Variants in C2CD4C observed in about 807,000 individuals in gnomAD.
The protein encoded by C2CD4C is C2 calcium dependent domain containing 4C.
C2CD4C carries 3 observed loss-of-function variants against 4.1 expected under a neutral mutation model. The observed-to-expected ratio is 0.73, with a 90% CI of 0.33 to 1.88. C2CD4C has a LOEUF of 1.88. Among genes scored for constraint, C2CD4C ranks in the 40% most tolerant of loss-of-function variants. C2CD4C has a pLI of 0.08. For missense variants in C2CD4C, 664 were observed against 621.5 expected (o/e 1.07, Z -0.73); for synonymous variants, 364 against 290.4 (o/e 1.25, Z -2.57).
chr19:407,862 T>G lies in C2CD4C; in HGVS notation c.500A>C (p.His167Pro), dbSNP rs767651614. 14 of 1,548,838 alleles carry G rather than the reference T, an allele frequency of 9.0e-6. No homozygotes were observed. The South Asian group carries it at 1.7e-4, about 18-fold the overall frequency. The change falls in exon 2 of 2, where the codon CAC becomes CCC. Residue 167 changes from histidine (H) to proline (P), a missense_variant. Transcript: ENST00000332235. Reference sequence around the variant, plus strand: ...CTGGGCCAGAGCCCCGTGCTCACTGTGGAACAGAGACTCCTTGCGCCTCGT... The same window carrying G: ...CTGGGCCAGAGCCCCGTGCTCACTGGGGAACAGAGACTCCTTGCGCCTCGT... ...PHTRRKESLFHSEHGALAQVG... is the reference protein window; with the variant it reads ...PHTRRKESLFPSEHGALAQVG...
At position 407,491 on chromosome 19, in the gene C2CD4C, C is replaced by A; in HGVS notation, c.871G>T (p.Glu291Ter). Residue 291 changes from glutamate (E) to a stop codon, truncating the protein, a stop_gained, in exon 2 of 2, where the codon GAG (glutamate) becomes TAG (stop). Transcript: ENST00000332235. LOFTEE classifies it low-confidence loss of function (END_TRUNC). ...TGCTCCCCACGCGCCTGGCCCGACTCGGGGCCAGGTTCCGGGGGTGCCCGG... is the reference window on the plus strand; with the variant it reads ...TGCTCCCCACGCGCCTGGCCCGACTAGGGGCCAGGTTCCGGGGGTGCCCGG... ...TRRAPPEPGP[E>*]SGQARGEHTV... 1 of 1,380,380 alleles carries A rather than the reference C, an allele frequency of 7.2e-7. No individual in the cohort carries two copies. Among genetic ancestry groups the A allele is most frequent in the East Asian group, 3.0e-5 (1 of 33,020 alleles). The allele number at this position is 1,380,380 out of a possible 1,614,324, so 85.5% of individuals were successfully genotyped here.
rs544062749 is a variant in C2CD4C, at chr19:406,594, G to C, written c.*502C>G. The C allele has an allele frequency of 6.5e-6, 1 of 152,960 alleles. No individual in the cohort carries two copies. Among genetic ancestry groups the C allele is most frequent in the African/African-American group, 2.4e-5 (1 of 41,472 alleles). 9.5% of individuals were successfully genotyped at this position (152,960 alleles called of 1,614,324 possible). ...CAGAGCCTGGGCCTGGTGTGGCCGC[G>C]AGGCCCTGCTCTCCGCGGGGTGGGA... On this transcript the variant is annotated 3_prime_UTR_variant, in exon 2 of 2. Coordinates refer to ENST00000332235, the MANE Select transcript of C2CD4C (RefSeq NM_001136263.2).
chr19:408,525 G>C (rs1003538493), intron 1 of C2CD4C, 124 bp from the exon 2 acceptor site: 5 of 630,408 alleles, frequency 7.9e-6, no homozygotes, highest in Non-Finnish European at 1.3e-5. Flanking sequence ...GGGTCCCCTG[G>C]GGGCGTCCCG....
In C2CD4C at chr19:407,473, C is replaced by G; in HGVS notation, c.889G>C (p.Gly297Arg). 1 of 1,400,170 alleles carries G rather than the reference C, an allele frequency of 7.1e-7. No homozygotes were observed. The highest frequency in any genetic ancestry group is 9.2e-7 in the Non-Finnish European group (1 of 1,083,482). 86.7% of individuals were successfully genotyped at this position (1,400,170 alleles called of 1,614,324 possible). ...GGGCCCACGTGGACCGTGTGCTCCCCACGCGCCTGGCCCGACTCGGGGCCA... is the reference window on the plus strand; with the variant it reads ...GGGCCCACGTGGACCGTGTGCTCCCGACGCGCCTGGCCCGACTCGGGGCCA... ...EPGPESGQAR[G>R]EHTVHVGPRG... Residue 297 changes from glycine to arginine, a missense_variant, in exon 2 of 2, where the codon GGG becomes CGG. Gly to Arg is a moderately radical substitution (Grantham distance 125). Transcript: ENST00000332235.
chr19:407,201 T>C lies in C2CD4C; in HGVS notation c.1161A>G (p.Lys387=). 6.5e-7 allele frequency: 1 copy of C among 1,550,208 alleles called. No individual in the cohort carries two copies. The highest frequency in any genetic ancestry group is 2.0e-5 in the Admixed American group (1 of 51,000). Residue 387 remains lysine (K), a synonymous_variant, in exon 2 of 2, where the codon AAA becomes AAG. Coordinates refer to ENST00000332235, the MANE Select transcript of C2CD4C (RefSeq NM_001136263.2). ...TCACCACCTTGATCCTGAGGGCCAG[T>C]TTCCGGACGCTGGCGGGCCCCAGGC... is the stretch of plus-strand genomic sequence containing the variant. ...FDGLGPASVR[K]LALRIKVVNK...
chr19:407,602 G>T lies in C2CD4C; in HGVS notation c.760C>A (p.Arg254=). The change falls in exon 2 of 2, where the codon CGG becomes AGG. Residue 254 remains arginine, a synonymous_variant. Transcript: ENST00000332235. ...GAGCCGTGGCGGCCCACGGAGTGCC[G>T]GAGCTGGCTCACCTTGGCCTGGCTG... ...QDSQAKVSQL[R]HSVGRHGSLS... is the part of the protein sequence containing the mutation. The T allele has an allele frequency of 2.1e-6, 3 of 1,441,928 alleles. No homozygotes were observed. The highest frequency in any genetic ancestry group is 1.8e-6 in the Non-Finnish European group (2 of 1,095,730). The allele number at this position is 1,441,928 out of a possible 1,614,324, so 89.3% of individuals were successfully genotyped here.
In C2CD4C at chr19:408,259, C is replaced by G; in HGVS notation, c.103G>C (p.Gly35Arg). Residue 35 changes from glycine to arginine, a missense_variant, in exon 2 of 2, where the codon GGG becomes CGG. Transcript: ENST00000332235. ...GSEAGDKASK[G>R]PLYSNVLTPD... ...GTCAACACATTGCTGTACAGGGGCC[C>G]CTTGGAGGCCTTGTCCCCCGCCTCA... The G allele has an allele frequency of 6.6e-7, 1 of 1,505,304 alleles. No individual in the cohort carries two copies. Among genetic ancestry groups the G allele is most frequent in the Non-Finnish European group, 8.9e-7 (1 of 1,129,716 alleles). 93.2% of individuals were successfully genotyped at this position (1,505,304 alleles called of 1,614,324 possible).
In C2CD4C at chr19:408,254, G is replaced by C. The variant is rs1974029604; in HGVS notation, c.108C>G (p.Pro36=). Residue 36 remains proline (P), a synonymous_variant, in exon 2 of 2, where the codon CCC becomes CCG. Transcript: ENST00000332235. ...SEAGDKASKG[P]LYSNVLTPDK... ...CGGGCGTCAACACATTGCTGTACAG[G>C]GGCCCCTTGGAGGCCTTGTCCCCCG... is the stretch of plus-strand genomic sequence containing the variant. The C allele has an allele frequency of 6.6e-7, 1 of 1,504,440 alleles. No individual in the cohort carries two copies. Among genetic ancestry groups the C allele is most frequent in the Non-Finnish European group, 8.9e-7 (1 of 1,129,250 alleles). The allele number at this position is 1,504,440 out of a possible 1,614,324, so 93.2% of individuals were successfully genotyped here.
In C2CD4C at chr19:407,102, G is replaced by A. The variant is rs1413914877; in HGVS notation, c.1260C>T (p.Phe420=). Residue 420 remains phenylalanine, a synonymous_variant, in exon 2 of 2, where the codon TTC becomes TTT. Coordinates refer to ENST00000332235, the MANE Select transcript of C2CD4C (RefSeq NM_001136263.2). ...CAGCGAGCAGGTCCCCGCTCTACAG[G>A]AAGGGGAGCAGGGAGGTCAGGGGCA... ...KELPLTSLLP[F]L is the part of the protein sequence containing the mutation. 2 of 1,547,754 alleles carry A rather than the reference G, an allele frequency of 1.3e-6. No homozygotes were observed. Among genetic ancestry groups the A allele is most frequent in the Non-Finnish European group, 1.7e-6 (2 of 1,145,496 alleles).
rs374325885 is a variant in C2CD4C, at chr19:407,141, G to A, written c.1221C>T (p.Leu407=). The A allele has an allele frequency of 6.1e-5, 95 of 1,550,096 alleles. No individual in the cohort carries two copies. The East Asian group carries it at 1.8e-3, about 29-fold the overall frequency. Residue 407 remains leucine, a synonymous_variant, in exon 2 of 2, where the codon CTC becomes CTT. Transcript: ENST00000332235. ...AGGTCAGGGGCAGCTCCTTCTCCCCGAGCAGCGTGTCCCGCTTGAGGCTGC... is the reference window on the plus strand; with the variant it reads ...AGGTCAGGGGCAGCTCCTTCTCCCCAAGCAGCGTGTCCCGCTTGAGGCTGC... ...KGSSLKRDTL[L]GEKELPLTSL... is the part of the protein sequence containing the mutation.
chr19:406,982 C>CCCACCCCCCCCCCCCCCCACCCCA lies in C2CD4C; in HGVS notation c.*113_*114insTGGGGTGGGGGGGGGGGGGGGTGG. ...CGCCCAGCCCAGCCTGAGTGTGAGC[C>CCCACCCCCCCCCCCCCCCACCCCA]CCTCCCCGGCCAGCCCCAGCCCAAG... On this transcript the variant is annotated 3_prime_UTR_variant, in exon 2 of 2. Coordinates refer to ENST00000332235, the MANE Select transcript of C2CD4C (RefSeq NM_001136263.2). 1.6e-6 allele frequency: 1 copy of CCCACCCCCCCCCCCCCCCACCCCA among 640,742 alleles called. No homozygotes were observed. The highest frequency in any genetic ancestry group is 3.7e-5 in the East Asian group (1 of 27,214). The allele number at this position is 640,742 out of a possible 1,614,324, so 39.7% of individuals were successfully genotyped here. A position where few individuals can be genotyped will look rare whatever the true frequency, so the allele number is the denominator to read the frequency against.
At position 405,535 on chromosome 19, in the gene C2CD4C, G is replaced by C. The variant is rs537994894; in HGVS notation, c.*1561C>G. On this transcript the variant is annotated 3_prime_UTR_variant, in exon 2 of 2. Transcript: ENST00000332235. ...AAAGATTTACCCACAGTCAACCTCA[G>C]ACACTAAGATATCAAAGAGTGCAGG... The C allele has an allele frequency of 6.6e-6, 1 of 152,186 alleles. No individual in the cohort carries two copies. Among genetic ancestry groups the C allele is most frequent in the Admixed American group, 6.5e-5 (1 of 15,286 alleles). 9.4% of individuals were successfully genotyped at this position (152,186 alleles called of 1,614,324 possible).
At chr19:408,668 A>G (rs1271049184) in intron 1 of C2CD4C, among the ~76,000 whole-genome samples, 1 of 152,114 alleles carries the variant, frequency 6.6e-6, no homozygotes, top group Non-Finnish European at 1.5e-5. Context: ...GAGCTCCCAG[A>G]GGAGACTGGC....
chr19:408,147 G>A lies in C2CD4C; in HGVS notation c.215C>T (p.Ser72Phe). 1 of 1,455,544 alleles carries A rather than the reference G, an allele frequency of 6.9e-7. No homozygotes were observed. Among genetic ancestry groups the A allele is most frequent in the African/African-American group, 1.5e-5 (1 of 68,822 alleles). The allele number at this position is 1,455,544 out of a possible 1,614,324, so 90.2% of individuals were successfully genotyped here. ...AGAGGCCAGGTTCTGTTCCGACGTG[G>A]AGGGGCCCAGCGCGGCCTGTCCCTC... The part of the protein sequence containing the change: ...EGEGQAALGP[S>F]TSEQNLASAA... The change falls in exon 2 of 2, where the codon TCC becomes TTC. Residue 72 changes from serine to phenylalanine, a missense_variant. By Grantham distance (155) the Ser-to-Phe change is radical. Transcript: ENST00000332235.
Position 405,786 on chromosome 19 carries a change from C to G in C2CD4C, c.*1310G>C, listed in dbSNP as rs932780859. The stretch of plus-strand genomic sequence containing the variant: ...CCCTCTGGAGGGCTCACAGGTGTGT[C>G]CCACCGGACGTGCAGCAGGGGCCCA... On this transcript the variant is annotated 3_prime_UTR_variant, in exon 2 of 2. Transcript: ENST00000332235. The G allele has an allele frequency of 6.6e-6, 1 of 152,260 alleles. No individual in the cohort carries two copies. The highest frequency in any genetic ancestry group is 1.5e-5 in the Non-Finnish European group (1 of 68,106). The allele number at this position is 152,260 out of a possible 1,614,324, so 9.4% of individuals were successfully genotyped here.
Position 406,714 on chromosome 19 carries a change from C to T in C2CD4C, c.*382G>A. On this transcript the variant is annotated 3_prime_UTR_variant, in exon 2 of 2. Coordinates refer to ENST00000332235, the MANE Select transcript of C2CD4C (RefSeq NM_001136263.2). Reference sequence around the variant, plus strand: ...TGTCACCTCCCTGTCCACGGCCCCGCCCTGGCCACATGCACGGATTCCTGA... The same window carrying T: ...TGTCACCTCCCTGTCCACGGCCCCGTCCTGGCCACATGCACGGATTCCTGA... 5.0e-6 allele frequency: 1 copy of T among 199,616 alleles called. No individual in the cohort carries two copies. Among genetic ancestry groups the T allele is most frequent in the Non-Finnish European group, 1.0e-5 (1 of 99,704 alleles). The allele number at this position is 199,616 out of a possible 1,614,324, so 12.4% of individuals were successfully genotyped here.
rs1974012537 is a variant in C2CD4C, at chr19:407,624, G to A, written c.738C>T (p.Ser246=). The change falls in exon 2 of 2, where the codon AGC becomes AGT. Residue 246 remains serine (S), a synonymous_variant. Transcript: ENST00000332235. ...VSLLKGFAQD[S]QAKVSQLRHS... ...GCCGGAGCTGGCTCACCTTGGCCTG[G>A]CTGTCCTGGGCGAAACCTTTGAGCA... 2 of 1,458,444 alleles carry A rather than the reference G, an allele frequency of 1.4e-6. No homozygotes were observed. Among genetic ancestry groups the A allele is most frequent in the East Asian group, 2.8e-5 (1 of 36,214 alleles). 90.3% of individuals were successfully genotyped at this position (1,458,444 alleles called of 1,614,324 possible).
chr19:407,703 G>A lies in C2CD4C; in HGVS notation c.659C>T (p.Ser220Phe), dbSNP rs1228946507. The A allele has an allele frequency of 1.3e-6, 2 of 1,533,432 alleles. No homozygotes were observed. The highest frequency in any genetic ancestry group is 1.8e-6 in the Non-Finnish European group (2 of 1,139,012). 95.0% of individuals were successfully genotyped at this position (1,533,432 alleles called of 1,614,324 possible). Residue 220 changes from serine (S) to phenylalanine (F), a missense_variant, in exon 2 of 2, where the codon TCC becomes TTC. Physicochemically the swap from Ser to Phe is radical, Grantham distance 155. Coordinates refer to ENST00000332235, the MANE Select transcript of C2CD4C (RefSeq NM_001136263.2). Reference protein sequence around the residue: ...YFSGGESDTGSSAESSPFGSP... With the variant: ...YFSGGESDTGFSAESSPFGSP... The stretch of plus-strand genomic sequence containing the variant: ...CCCGAAGGGGGAGGACTCGGCCGAG[G>A]ACCCTGTGTCGCTCTCCCCGCCACT...
Position 407,887 on chromosome 19 carries a change from T to C in C2CD4C, c.475A>G (p.Thr159Ala), listed in dbSNP as rs1974017795. 6.5e-7 allele frequency: 1 copy of C among 1,549,012 alleles called. No homozygotes were observed. Among genetic ancestry groups the C allele is most frequent in the African/African-American group, 1.4e-5 (1 of 72,964 alleles). The change falls in exon 2 of 2, where the codon ACG (threonine) becomes GCG (alanine). Residue 159 changes from threonine (T) to alanine (A), a missense_variant. Physicochemically the swap from Thr to Ala is moderately conservative, Grantham distance 58 (BLOSUM62 0). Transcript: ENST00000332235. ...GFAMLAESPH[T>A]RRKESLFHSE... ...TGGAACAGAGACTCCTTGCGCCTCG[T>C]GTGGGGGCTCTCAGCCAGCATGGCG...
Sources: allele counts gnomAD v4.1 joint callset (sites outside exome capture counted in the v4.1 genomes callset), GRCh38; gene constraint gnomAD v4.1.1; transcripts MANE v1.5; gene names NCBI Gene and HGNC (gene_info 2026-07-23, HGNC 2026-07-21).